The following WWC2 variants were observed in gnomAD, a reference collection of about 807,000 sequenced individuals.
WWC2 encodes protein WWC2.
In WWC2, 101 loss-of-function variants were observed where a neutral mutation model predicts 138.5. The observed-to-expected ratio is 0.73, with a 90% CI of 0.62 to 0.86. WWC2 has a LOEUF of 0.86. Among genes scored for constraint, WWC2 ranks in the 40% least tolerant of loss-of-function variants. The probability of loss-of-function intolerance (pLI) is 0.00; values close to 1 mark genes in which losing one functional copy is unlikely to be tolerated. For missense variants in WWC2, 1,420 were observed against 1,419.4 expected, an observed-to-expected ratio of 1.00 and a Z score of -0.01; for synonymous variants, 558 against 538.4, an observed-to-expected ratio of 1.04 and a Z score of -0.50.
chr4:183,260,395 C>T (rs1342357262), intron 10 of WWC2, among the ~76,000 whole-genome samples: 13 of 152,144 alleles, frequency 8.5e-5, no homozygotes, highest in East Asian at 5.8e-4. Context: ...AAAAGGTTAA[C>T]GAAGAAGCAT....
At chr4:183,285,706 G>A (rs1285144045) in intron 19 of WWC2, among the ~76,000 whole-genome samples, 1 of 152,078 alleles carries the variant, frequency 6.6e-6, no homozygotes, top group Non-Finnish European at 1.5e-5. Flanking sequence ...GTTGCAATGA[G>A]CCGAGATCAC....
intron 16 of WWC2, among the ~76,000 whole-genome samples, chr4:183,272,762 C>T (rs144575616): frequency 1.4e-3 from 211 of 152,298 alleles, no homozygotes; most frequent in African/African-American, 4.8e-3. Flanking sequence ...TTCAAGGTAC[C>T]TCCATGGTGT....
intron 8 of WWC2, among the ~76,000 whole-genome samples, chr4:183,251,386 G>C (rs1231298660): frequency 2.6e-5 from 4 of 152,200 alleles, no homozygotes; most frequent in Non-Finnish European, 5.9e-5. Context: ...AAGCAGTCTT[G>C]GAGAACTGGG....
At chr4:183,120,811 C>T (rs1022243849) in intron 1 of WWC2, among the ~76,000 whole-genome samples, 1 of 152,148 alleles carries the variant, frequency 6.6e-6, no homozygotes, top group Non-Finnish European at 1.5e-5. Flanking sequence ...GGCTGGAGTG[C>T]AGTGGTGCCA....
chr4:183,268,987 G>A lies in WWC2; in HGVS notation c.2224G>A (p.Val742Ile), dbSNP rs201654424. 354 of 1,612,168 alleles carry A rather than the reference G, an allele frequency of 2.2e-4. 1 individual carries two copies. Among genetic ancestry groups the A allele is most frequent in the Middle Eastern group, 5.0e-4 (3 of 6,048 alleles). ...HTSKVYFRVA[V>I]LPSSTDVSCL... ...TCTTTGCAGATATTTTAGGGTTGCC[G>A]TTCTTCCTTCCTCAACTGATGTCAG... Residue 742 changes from valine (V) to isoleucine (I), a missense_variant, in exon 15 of 23, where the codon GTT becomes ATT. Coordinates refer to ENST00000403733, the MANE Select transcript of WWC2 (RefSeq NM_024949.6).
chr4:183,129,157 A>C (rs182781130), intron 1 of WWC2, among the ~76,000 whole-genome samples: 1 of 152,232 alleles, frequency 6.6e-6, no homozygotes, highest in Non-Finnish European at 1.5e-5. Flanking sequence ...TAGGGATAGC[A>C]GTTACTTGGA....
At chr4:183,143,725 T>C (rs959933220) in intron 1 of WWC2, among the ~76,000 whole-genome samples, 1 of 152,058 alleles carries the variant, frequency 6.6e-6, no homozygotes, top group African/African-American at 2.4e-5. Flanking sequence ...GGAGGATCGC[T>C]TGAGCCCAGG....
At chr4:183,304,161 G>A (rs948967814) in intron 21 of WWC2, among the ~76,000 whole-genome samples, 1 of 152,002 alleles carries the variant, frequency 6.6e-6, no homozygotes, top group Non-Finnish European at 1.5e-5. Flanking sequence ...GAGAGGTGAG[G>A]TCATAGGGCA....
At chr4:183,107,092 C>T (rs1401129315) in intron 1 of WWC2, among the ~76,000 whole-genome samples, 1 of 152,082 alleles carries the variant, frequency 6.6e-6, no homozygotes, top group South Asian at 2.1e-4. Flanking sequence ...CTCTCTTTCT[C>T]TCCTTCTCTC....
rs1738044621 is a variant in WWC2 at position 183,280,828 on chromosome 4, A to G, written c.2615A>G (p.Glu872Gly). 6.2e-7 allele frequency: 1 copy of G among 1,600,656 alleles called. No homozygotes were observed. Among genetic ancestry groups the G allele is most frequent in the South Asian group, 1.1e-5 (1 of 88,338 alleles). The change falls in exon 17 of 23, where the codon GAA (glutamate) becomes GGA (glycine). Residue 872 changes from glutamate to glycine, a missense_variant. By Grantham distance (98) the Glu-to-Gly change is moderately conservative. Transcript: ENST00000403733. ...ARTSAELLAV[E>G]QELAQEEEEE... Reference sequence around the variant, plus strand: ...ACATCAGCTGAGTTGTTAGCTGTGGAACAAGAATTAGCACAAGAAGAAGAA... The same window carrying G: ...ACATCAGCTGAGTTGTTAGCTGTGGGACAAGAATTAGCACAAGAAGAAGAA...
At chr4:183,293,998 A>G (rs1162752512) in intron 21 of WWC2, among the ~76,000 whole-genome samples, 2 of 152,126 alleles carry the variant, frequency 1.3e-5, no homozygotes, top group Non-Finnish European at 2.9e-5. Context: ...ATTAAATATT[A>G]TATCAAATTA....
chr4:183,203,347 C>T (rs970095502), intron 2 of WWC2, among the ~76,000 whole-genome samples: 3 of 151,840 alleles, frequency 2.0e-5, no homozygotes, highest in African/African-American at 4.8e-5. Flanking sequence ...CTGAGGTACC[C>T]GCATTATCAC....
rs576659490 is a variant in WWC2, at chr4:183,103,638, C to CT, written c.131+4034dup. 5.9e-3 allele frequency among the ~76,000 whole-genome samples: 713 copies of CT among 120,286 alleles called. 1 individual carries two copies. Among genetic ancestry groups the CT allele is most frequent in the East Asian group, 0.016 (63 of 4,016 alleles). 78.9% of individuals were successfully genotyped at this position (120,286 alleles called of 152,430 possible). On this transcript the variant is annotated intron_variant, in intron 1 of 22. Coordinates refer to ENST00000403733, the MANE Select transcript of WWC2 (RefSeq NM_024949.6). Reference sequence around the variant, plus strand: ...CCACCGCACCTGGACTTGTGTTTCTCTTTTTTTTTTTTTTTTTTGAGACGG... The same window carrying CT: ...CCACCGCACCTGGACTTGTGTTTCTCTTTTTTTTTTTTTTTTTTTGAGACGG...
intron 21 of WWC2, among the ~76,000 whole-genome samples, chr4:183,305,436 C>A (rs2111108848): frequency 6.6e-6 from 1 of 152,196 alleles, no homozygotes; most frequent in Admixed American, 6.5e-5. Flanking sequence ...TAAATACACA[C>A]ACACACACAG....
chr4:183,184,922 T>G (rs1259810424), intron 1 of WWC2, among the ~76,000 whole-genome samples: 1 of 151,940 alleles, frequency 6.6e-6, no homozygotes, highest in Non-Finnish European at 1.5e-5. Context: ...TTTAAATATT[T>G]CATCGTTTTC....
chr4:183,162,105 C>T (rs982648609), intron 1 of WWC2, among the ~76,000 whole-genome samples: 1 of 151,966 alleles, frequency 6.6e-6, no homozygotes, highest in East Asian at 1.9e-4. Flanking sequence ...AGGAGTATTG[C>T]GACTTGTTAA....
At chr4:183,147,417 C>T (rs1287966751) in intron 1 of WWC2, among the ~76,000 whole-genome samples, 4 of 152,108 alleles carry the variant, frequency 2.6e-5, no homozygotes, top group Admixed American at 2.6e-4. Context: ...CTCTACAAGT[C>T]GCTGCACAAC....
chr4:183,213,917 A>T (rs112662007), intron 4 of WWC2, among the ~76,000 whole-genome samples: 1 of 151,776 alleles, frequency 6.6e-6, no homozygotes, highest in Non-Finnish European at 1.5e-5. Context: ...TTTAAATTCA[A>T]TTGCCGTTAA....
chr4:183,152,899 TAAATAA>T lies in WWC2; in HGVS notation c.132-40693_132-40688del, dbSNP rs550079946. ...CTCTGTCTCAAAAAAAAATAAAAAA[TAAATAA>T]AAATAATAGAGTTGGGTTCTTGCTC... On this transcript the variant is annotated intron_variant, in intron 1 of 22. Transcript: ENST00000403733. 8.5e-4 allele frequency among the ~76,000 whole-genome samples: 129 copies of T among 151,804 alleles called. 2 individuals carry two copies. Among genetic ancestry groups the T allele is most frequent in the African/African-American group, 3.0e-3 (125 of 41,416 alleles).
Sources: allele counts gnomAD v4.1 joint callset (sites outside exome capture counted in the v4.1 genomes callset), GRCh38; gene constraint gnomAD v4.1.1; transcripts MANE v1.5; gene names NCBI Gene and HGNC (gene_info 2026-07-23, HGNC 2026-07-21).